MED13L: variants seen among roughly 807,000 people sequenced by gnomAD.
The protein encoded by MED13L is mediator of RNA polymerase II transcription subunit 13-like.
MED13L carries 7 observed loss-of-function variants against 220.9 expected under a neutral mutation model. That is an observed-to-expected ratio of 0.03 (90% CI 0.02 to 0.06). The LOEUF is 0.06. Among genes scored for constraint, MED13L ranks in the 10% least tolerant of loss-of-function variants. The pLI is 1.00. For missense variants in MED13L, 1,965 were observed against 2,760.5 expected (o/e 0.71, Z 6.46); for synonymous variants, 1,011 against 1,015.2 (o/e 1.00, Z 0.08).
intron 4 of MED13L, among the ~76,000 whole-genome samples, chr12:116,051,838 G>A (rs1868532445): frequency 6.6e-6 from 1 of 152,126 alleles, no homozygotes; most frequent in African/African-American, 2.4e-5. Context: ...TACAACTTTG[G>A]AGTATTTCAG....
intron 4 of MED13L, among the ~76,000 whole-genome samples, chr12:116,067,558 T>C (rs981045326): frequency 2.0e-5 from 3 of 152,200 alleles, no homozygotes; most frequent in African/African-American, 7.2e-5. Context: ...TATTATATAT[T>C]GGATATCATC....
At chr12:116,260,568 T>C (rs1218763483) in intron 1 of MED13L, among the ~76,000 whole-genome samples, 1 of 152,142 alleles carries the variant, frequency 6.6e-6, no homozygotes, top group African/African-American at 2.4e-5. Flanking sequence ...AAAAATATTG[T>C]GCACTCAGAA....
chr12:116,175,272 T>C (rs1366023527), intron 2 of MED13L, among the ~76,000 whole-genome samples: 1 of 152,154 alleles, frequency 6.6e-6, no homozygotes, highest in Non-Finnish European at 1.5e-5. Flanking sequence ...TTGAAATAAT[T>C]TCAATACATA....
At chr12:116,042,809 G>T (rs906218675) in intron 4 of MED13L, among the ~76,000 whole-genome samples, 1 of 152,158 alleles carries the variant, frequency 6.6e-6, no homozygotes, top group African/African-American at 2.4e-5. Context: ...ATTAGCCTAT[G>T]AGGTGGAATG....
rs147678119 is a variant in MED13L at position 116,000,996 on chromosome 12, A to T, written c.2569+2007T>A. On this transcript the variant is annotated intron_variant, in intron 14 of 30. Transcript: ENST00000281928. ...CAACCATTATATATTACATTTTTAT[A>T]AAAAAAGTGAAATACTGCAATAATT... Among the ~76,000 whole-genome samples the T allele has an allele frequency of 4.4e-3, 666 of 152,286 alleles. 4 individuals carry two copies. Among genetic ancestry groups the T allele is most frequent in the African/African-American group, 0.015 (621 of 41,564 alleles).
At position 116,116,335 on chromosome 12, in the gene MED13L, T is replaced by C. The variant is rs778682685; in HGVS notation, c.311-4823A>G. Among the ~76,000 whole-genome samples, 12 of 152,152 alleles carry C rather than the reference T, an allele frequency of 7.9e-5. 1 individual carries two copies. Among genetic ancestry groups the C allele is most frequent in the South Asian group, 4.1e-4 (2 of 4,824 alleles). Reference sequence around the variant, plus strand: ...TTAATGAATCAAACCTACATGATTATATAACGAAGCTTTCATAAAAACCCA... The same window carrying C: ...TTAATGAATCAAACCTACATGATTACATAACGAAGCTTTCATAAAAACCCA... On this transcript the variant is annotated intron_variant, in intron 2 of 30. Transcript: ENST00000281928.
chr12:115,969,359 T>A (rs1876415812), intron 27 of MED13L, among the ~76,000 whole-genome samples: 1 of 152,156 alleles, frequency 6.6e-6, no homozygotes, highest in Admixed American at 6.5e-5. Context: ...AAACCTACAC[T>A]CTGCATAGCC....
intron 2 of MED13L, among the ~76,000 whole-genome samples, chr12:116,187,899 G>T (rs61935845): frequency 1.3e-5 from 2 of 150,272 alleles, no homozygotes; most frequent in African/African-American, 4.9e-5. Flanking sequence ...AAAAAAAAAG[G>T]CTTTTCCTGT....
chr12:116,249,138 T>C (rs1458551032), intron 1 of MED13L, among the ~76,000 whole-genome samples: 1 of 152,206 alleles, frequency 6.6e-6, no homozygotes, highest in African/African-American at 2.4e-5. Context: ...CTGGGAGCTA[T>C]CACTCCAAGA....
At chr12:116,085,921 A>G (rs905762297) in intron 4 of MED13L, among the ~76,000 whole-genome samples, 1 of 152,226 alleles carries the variant, frequency 6.6e-6, no homozygotes, top group East Asian at 1.9e-4. Context: ...GCCAGGGAAG[A>G]CAGAGTGGGT....
intron 1 of MED13L, among the ~76,000 whole-genome samples, chr12:116,275,727 AAAGGG>A (rs1484844415): frequency 6.6e-6 from 1 of 152,218 alleles, no homozygotes; most frequent in Non-Finnish European, 1.5e-5. Flanking sequence ...ATGCTCTCCA[AAAGGG>A]ACTCACCTCC....
intron 4 of MED13L, among the ~76,000 whole-genome samples, chr12:116,074,224 G>A (rs1204183737): frequency 6.6e-6 from 1 of 152,110 alleles, no homozygotes; most frequent in African/African-American, 2.4e-5. Context: ...GCAAAACCCC[G>A]TCTCTACTAA....
chr12:116,093,946 C>G (rs1872458001), intron 4 of MED13L, among the ~76,000 whole-genome samples: 1 of 152,116 alleles, frequency 6.6e-6, no homozygotes, highest in South Asian at 2.1e-4. Flanking sequence ...ATTTAATCTT[C>G]ACTATAACCC....
intron 1 of MED13L, among the ~76,000 whole-genome samples, chr12:116,269,347 C>A (rs576403884): frequency 6.6e-6 from 1 of 151,938 alleles, no homozygotes; most frequent in East Asian, 1.9e-4. Context: ...CTGAGCACCG[C>A]ACCCGGCCTA....
At position 115,966,115 on chromosome 12, in the gene MED13L, G is replaced by A. The variant is rs3088260; in HGVS notation, c.6354C>T (p.Pro2118=). 0.088 allele frequency: 142,010 copies of A among 1,613,984 alleles called. 6,856 individuals are homozygous for A. The highest frequency in any genetic ancestry group is 0.1 in the Non-Finnish European group (117,522 of 1,179,938). Residue 2118 remains proline, a synonymous_variant, in exon 29 of 31, where the codon CCC becomes CCT. Coordinates refer to ENST00000281928, the MANE Select transcript of MED13L (RefSeq NM_015335.5). ...AGAGAGGGCACTGGTTTTGAGCCTGGGGACACGATGACCAAAACCACTGGG... is the reference window on the plus strand; with the variant it reads ...AGAGAGGGCACTGGTTTTGAGCCTGAGGACACGATGACCAAAACCACTGGG... ...NLPQWFWSSC[P]QAQNQCPLFL...
rs558336424 is a variant in MED13L, at chr12:116,270,271, A to T, written c.72+6789T>A. ...ATTCCCCTGCCTCAGCCTCCCAAGTAGCTGGGACTACAGACGCGCACCACC... is the reference window on the plus strand; with the variant it reads ...ATTCCCCTGCCTCAGCCTCCCAAGTTGCTGGGACTACAGACGCGCACCACC... On this transcript the variant is annotated intron_variant, in intron 1 of 30. Coordinates refer to ENST00000281928, the MANE Select transcript of MED13L (RefSeq NM_015335.5). Among the ~76,000 whole-genome samples, 14 of 152,008 alleles carry T rather than the reference A, an allele frequency of 9.2e-5. No individual in the cohort carries two copies. The South Asian group carries it at 2.9e-3, about 32-fold the overall frequency.
At chr12:116,245,302 A>C (rs1871003691) in intron 1 of MED13L, among the ~76,000 whole-genome samples, 1 of 152,222 alleles carries the variant, frequency 6.6e-6, no homozygotes, top group Non-Finnish European at 1.5e-5. Context: ...TCCACAGAAA[A>C]GACCTCAAGA....
chr12:116,039,087 T>C (rs1431989251), intron 4 of MED13L, among the ~76,000 whole-genome samples: 1 of 152,228 alleles, frequency 6.6e-6, no homozygotes, highest in Non-Finnish European at 1.5e-5. Context: ...ATACAACTAC[T>C]GTATAACATA....
In MED13L at chr12:116,085,360, T is replaced by C. The variant is rs181043652; in HGVS notation, c.479+11309A>G. On this transcript the variant is annotated intron_variant, in intron 4 of 30. Coordinates refer to ENST00000281928, the MANE Select transcript of MED13L (RefSeq NM_015335.5). ...TAAATAACCATACAAAACCAATAAT[T>C]ATAAGAATCAAAGATCTCAACCCAA... Among the ~76,000 whole-genome samples the C allele has an allele frequency of 5.3e-5, 8 of 152,196 alleles. No homozygotes were observed. In the East Asian group the frequency reaches 1.5e-3, roughly 29 times the overall value.
Sources: allele counts gnomAD v4.1 joint callset (sites outside exome capture counted in the v4.1 genomes callset), GRCh38; gene constraint gnomAD v4.1.1; transcripts MANE v1.5; gene names NCBI Gene and HGNC (gene_info 2026-07-23, HGNC 2026-07-21).